The following PREPL variants were observed in gnomAD, a reference collection of about 807,000 sequenced individuals.
The protein encoded by PREPL is prolyl endopeptidase-like.
A neutral mutation model predicts 70.6 loss-of-function variants in PREPL; 77 were observed. That is an observed-to-expected ratio of 1.09 (90% CI 0.91 to 1.32). The LOEUF (loss-of-function observed/expected upper bound fraction) is 1.32, where lower values mean the gene tolerates loss of function less well. Among genes scored for constraint, PREPL ranks in the 40% most tolerant of loss-of-function variants. The pLI is 0.00. For missense variants in PREPL, 1,002 were observed against 778.2 expected, an observed-to-expected ratio of 1.29 and a Z score of -3.42; for synonymous variants, 315 against 264.8, an observed-to-expected ratio of 1.19 and a Z score of -1.84.
At chr2:44,332,318 C>G in intron 8 of PREPL, 141 bp downstream of exon 8, 2 of 678,300 alleles carry the variant, frequency 2.9e-6, no homozygotes, top group Non-Finnish European at 4.8e-6. Context: ...TCACCTATCC[C>G]TAAAGTCACT....
intron 12 of PREPL, 43 bp downstream of exon 12, chr2:44,322,688 T>C: frequency 3.8e-6 from 6 of 1,596,672 alleles, no homozygotes; most frequent in Non-Finnish European, 4.3e-6. Context: ...CTGTGGGTAG[T>C]AGTCTGTTTG....
chr2:44,344,639 TAGTC>T, intron 2 of PREPL, 53 bp from the exon 3 acceptor site: 3 of 1,325,766 alleles, frequency 2.3e-6, no homozygotes, highest in South Asian at 2.7e-5. Context: ...AACCTTTTCA[TAGTC>T]TGACTATTCA....
At chr2:44,335,245 C>T (rs2103873320) in intron 7 of PREPL, among the ~76,000 whole-genome samples, 1 of 152,236 alleles carries the variant, frequency 6.6e-6, no homozygotes, top group South Asian at 2.1e-4. Context: ...TGGGGCATAT[C>T]TTTAAAATAA....
chr2:44,343,085 A>T (rs1461019262), intron 4 of PREPL, among the ~76,000 whole-genome samples: 2 of 152,218 alleles, frequency 1.3e-5, no homozygotes, highest in East Asian at 1.9e-4. Context: ...GTAAGTCATC[A>T]TTGTATAATA....
At chr2:44,347,979 T>A (rs1676006772) in intron 1 of PREPL, among the ~76,000 whole-genome samples, 1 of 152,224 alleles carries the variant, frequency 6.6e-6, no homozygotes. Flanking sequence ...ACATTATTAT[T>A]TGAATTAGAT....
At position 44,320,196 on chromosome 2, in the gene PREPL, T is replaced by C. The variant is rs1232494446; in HGVS notation, c.*1160A>G. The C allele has an allele frequency of 6.2e-7, 1 of 1,610,614 alleles. No individual in the cohort carries two copies. ...TTACGTAAATACTTTTTTAAAAAAA[T>C]AGGTCCAAAAGACTCAGCCCAGATC... On this transcript the variant is annotated 3_prime_UTR_variant, in exon 14 of 14. Transcript: ENST00000409411.
intron 1 of PREPL, among the ~76,000 whole-genome samples, chr2:44,349,609 C>G (rs953236286): frequency 2.0e-5 from 3 of 151,960 alleles, no homozygotes; most frequent in Non-Finnish European, 4.4e-5. Flanking sequence ...TAAAGAGAAT[C>G]AAATTAAAAG....
At chr2:44,334,416 C>A (rs372570775) in intron 7 of PREPL, among the ~76,000 whole-genome samples, 3 of 152,192 alleles carry the variant, frequency 2.0e-5, no homozygotes, top group East Asian at 3.8e-4. Flanking sequence ...AACGTCCCAA[C>A]TGGCCTAAAT....
chr2:44,344,051 G>T, intron 3 of PREPL, 100 bp from the exon 4 acceptor site: 1 of 1,371,966 alleles, frequency 7.3e-7, no homozygotes, highest in Non-Finnish European at 9.6e-7. Context: ...CATTCTGTAA[G>T]AGGCCATATC....
In PREPL at chr2:44,326,909, G is replaced by A; in HGVS notation, c.1282C>T (p.Leu428Phe). The change falls in exon 10 of 14, where the codon CTC (leucine) becomes TTC (phenylalanine). Residue 428 changes from leucine (L) to phenylalanine (F), a missense_variant. Physicochemically the swap from Leu to Phe is conservative, Grantham distance 22. Coordinates refer to ENST00000409411, the MANE Select transcript of PREPL (RefSeq NM_001171613.2). ...AGGCGGCCATCAGCGTGCCACTGGAGGCCTAACTCACCACCACCTCTGAAA... is the reference window on the plus strand; with the variant it reads ...AGGCGGCCATCAGCGTGCCACTGGAAGCCTAACTCACCACCACCTCTGAAA... ...CHVRGGGELG[L>F]QWHADGRLTK... is the part of the protein sequence containing the mutation. 6.2e-7 allele frequency: 1 copy of A among 1,614,128 alleles called. No individual in the cohort carries two copies. The highest frequency in any genetic ancestry group is 8.5e-7 in the Non-Finnish European group (1 of 1,180,016).
rs542697573 is a variant in PREPL, at chr2:44,331,647, C to T, written c.1086+812G>A. ...ACATAACTTCCTTGGAGAAAACTTC[C>T]CTGATCTCTCTAGACTAGGTAAAAT... On this transcript the variant is annotated intron_variant, in intron 8 of 13. Transcript: ENST00000409411. Among the ~76,000 whole-genome samples, 32 of 152,262 alleles carry T rather than the reference C, an allele frequency of 2.1e-4. No individual in the cohort carries two copies. The South Asian group carries it at 6.4e-3, about 31-fold the overall frequency.
intron 12 of PREPL, 111 bp from the exon 13 acceptor site, chr2:44,322,011 G>A (rs879766794): frequency 2.5e-5 from 28 of 1,132,364 alleles, no homozygotes; most frequent in African/African-American, 1.6e-4. Context: ...TAATAGTAAA[G>A]GAATAAAAAG....
Position 44,343,935 on chromosome 2 carries a change from A to G in PREPL, c.159T>C (p.Tyr53=), listed in dbSNP as rs775838479. 2.1e-5 allele frequency: 34 copies of G among 1,613,810 alleles called. No homozygotes were observed. The highest frequency in any genetic ancestry group is 2.7e-5 in the African/African-American group (2 of 74,942). ...SKDEEADNDN[Y]EVLFNLEELK... is the part of the protein sequence containing the mutation. The stretch of plus-strand genomic sequence containing the variant: ...GTTCCTCCAAATTGAATAAAACTTC[A>G]TAATTATCATTGTCTGCTGTATAAA... The change falls in exon 4 of 14, where the codon TAT becomes TAC. Residue 53 remains tyrosine, a synonymous_variant. Coordinates refer to ENST00000409411, the MANE Select transcript of PREPL (RefSeq NM_001171613.2).
Position 44,332,676 on chromosome 2 carries a change from A to G in PREPL, c.889-20T>C. ...AGGGAGCTAAAGAAATACAACAGCT[A>G]TTTTTATTCTTTATTTAGGCCACCA... On this transcript the variant is annotated intron_variant, in intron 7 of 13. Coordinates refer to ENST00000409411, the MANE Select transcript of PREPL (RefSeq NM_001171613.2). 6.4e-7 allele frequency: 1 copy of G among 1,564,386 alleles called. No homozygotes were observed. Among genetic ancestry groups the G allele is most frequent in the Non-Finnish European group, 8.7e-7 (1 of 1,148,464 alleles).
chr2:44,344,384 A>C (rs1278552086), intron 3 of PREPL, 136 bp downstream of exon 3: 28 of 694,620 alleles, frequency 4.0e-5, no homozygotes, highest in Non-Finnish European at 6.3e-5. Flanking sequence ...CAGATATTAA[A>C]AACTAGTCAT....
intron 1 of PREPL, among the ~76,000 whole-genome samples, chr2:44,348,153 T>G (rs1038610072): frequency 2.0e-5 from 3 of 152,156 alleles, no homozygotes; most frequent in African/African-American, 7.2e-5. Flanking sequence ...GCCTCCCAAG[T>G]AGATGGGACT....
intron 13 of PREPL, 35 bp from the exon 14 acceptor site, chr2:44,321,480 G>A: frequency 1.9e-6 from 3 of 1,594,458 alleles, no homozygotes; most frequent in East Asian, 2.2e-5. Flanking sequence ...TAAATAGAAG[G>A]CCTTTGTAGT....
intron 5 of PREPL, among the ~76,000 whole-genome samples, chr2:44,339,587 T>C (rs1346168763): frequency 6.6e-6 from 1 of 152,228 alleles, no homozygotes; most frequent in Non-Finnish European, 1.5e-5. Flanking sequence ...TAACATTTTA[T>C]CATAAATGTT....
rs527518865 is a variant in PREPL, at chr2:44,322,748, G to A, written c.1736C>T (p.Ala579Val). The A allele has an allele frequency of 6.2e-7, 1 of 1,613,706 alleles. No individual in the cohort carries two copies. The highest frequency in any genetic ancestry group is 1.1e-5 in the South Asian group (1 of 91,070). ...EKLKEAIAEH[A>V]KDTGEGYQTP... ...TCTCCTACCTTCACCTGTGTCCTTA[G>A]CATGCTCCGCGATGGCTTCCTTGAG... Residue 579 changes from alanine (A) to valine (V), a missense_variant, in exon 12 of 14, where the codon GCT becomes GTT. Transcript: ENST00000409411.
Sources: gnomAD v4.1 joint callset for allele counts (sites outside exome capture counted in the v4.1 genomes callset) on GRCh38, gnomAD v4.1.1 for gene constraint, MANE v1.5 for transcripts, NCBI Gene and HGNC (gene_info 2026-07-23, HGNC 2026-07-21) for gene names.